HAPSTR1: variants seen among roughly 807,000 people sequenced by gnomAD.
HAPSTR1 encodes the protein HUWE1 associated protein modifying stress responses, also known as HUWE1-associated protein modifying stress responses 1.
the HAPSTR1 span, chr16:9,091,658 T>G: frequency 5.0e-6 from 2 of 397,898 alleles, no homozygotes; most frequent in East Asian, 3.6e-5. Flanking sequence ...AGTCTTGGGG[T>G]GGGCTCCGCG....
chr16:9,103,345 A>G, the HAPSTR1 span: 1 of 1,398,496 alleles, frequency 7.2e-7, no homozygotes, highest in Admixed American at 2.5e-5. Context: ...TTAGGTCCAG[A>G]TATACTGTTT....
At chr16:9,096,957 T>C in the HAPSTR1 span, among the ~76,000 whole-genome samples, 4 of 152,232 alleles carry the variant, frequency 2.6e-5, no homozygotes, top group African/African-American at 9.6e-5. Flanking sequence ...TTTTCCTTTT[T>C]TGGAGACGAA....
At chr16:9,115,384 C>G in the HAPSTR1 span, among the ~76,000 whole-genome samples, 1 of 152,184 alleles carries the variant, frequency 6.6e-6, no homozygotes, top group East Asian at 1.9e-4. Flanking sequence ...AATAACAGAT[C>G]CCTAGGTGAG....
At chr16:9,105,825 G>A in the HAPSTR1 span, 1 of 152,202 alleles carries the variant, frequency 6.6e-6, no homozygotes, top group Non-Finnish European at 1.5e-5. Context: ...GGTATTTTGA[G>A]GCAGGCTTGA....
At chr16:9,102,380 A>G in the HAPSTR1 span, among the ~76,000 whole-genome samples, 3 of 152,240 alleles carry the variant, frequency 2.0e-5, no homozygotes, top group African/African-American at 7.2e-5. Flanking sequence ...CAGAGAATTT[A>G]GTCTAGGAGA....
At chr16:9,100,095 C>G in the HAPSTR1 span, among the ~76,000 whole-genome samples, 1 of 152,230 alleles carries the variant, frequency 6.6e-6, no homozygotes, top group Non-Finnish European at 1.5e-5. Context: ...TTCTGCTTTT[C>G]TCCTCTAGGA....
At chr16:9,095,084 G>A in the HAPSTR1 span, among the ~76,000 whole-genome samples, 1 of 152,168 alleles carries the variant, frequency 6.6e-6, no homozygotes, top group African/African-American at 2.4e-5. Context: ...ATGATTCTTG[G>A]ATTATTGTAA....
At chr16:9,107,766 T>A in the HAPSTR1 span, 9 of 152,478 alleles carry the variant, frequency 5.9e-5, no homozygotes, top group Admixed American at 2.0e-4. Flanking sequence ...GGGCTCCCAA[T>A]CTCTGTAGCC....
the HAPSTR1 span, among the ~76,000 whole-genome samples, chr16:9,099,610 C>G: frequency 6.6e-6 from 1 of 152,154 alleles, no homozygotes; most frequent in African/African-American, 2.4e-5. Flanking sequence ...TTCACAGTGA[C>G]TTTGGTTTCT....
chr16:9,112,733 T>C, the HAPSTR1 span: 1 of 152,274 alleles, frequency 6.6e-6, no homozygotes, highest in African/African-American at 2.4e-5. Context: ...TGGATTCTTA[T>C]AACCTGGACT....
At chr16:9,110,587 CAATT>C in the HAPSTR1 span, 1 of 152,182 alleles carries the variant, frequency 6.6e-6, no homozygotes. Context: ...ATTTCTTAGA[CAATT>C]GATAATCATT....
the HAPSTR1 span, among the ~76,000 whole-genome samples, chr16:9,098,851 CAG>C: frequency 3.5e-4 from 53 of 152,264 alleles, no homozygotes; most frequent in Admixed American, 2.2e-3. Context: ...AGAGAGGTCA[CAG>C]AGGGAACTCT....
At chr16:9,113,027 G>GTTTTTTTTTTTTTTTTTTTTTTTTTT in the HAPSTR1 span, 1 of 128,304 alleles carries the variant, frequency 7.8e-6, no homozygotes, top group African/African-American at 2.9e-5. Flanking sequence ...TGTTTTTTTT[G>GTTTTTTTTTTTTTTTTTTTTTTTTTT]TTTTTTTTTG....
the HAPSTR1 span, among the ~76,000 whole-genome samples, chr16:9,093,939 C>G: frequency 6.6e-6 from 1 of 151,568 alleles, no homozygotes; most frequent in African/African-American, 2.4e-5. Context: ...AAAAGTTGCT[C>G]AGAACAGTAA....
At chr16:9,103,289 A>G in the HAPSTR1 span, 1 of 1,598,628 alleles carries the variant, frequency 6.3e-7, no homozygotes, top group Non-Finnish European at 8.5e-7. Context: ...TTTCTTTGGA[A>G]AAATGGTTAA....
the HAPSTR1 span, chr16:9,103,178 C>G: frequency 2.5e-6 from 4 of 1,614,158 alleles, no homozygotes; most frequent in Middle Eastern, 1.6e-4. Flanking sequence ...TGTAGTGTCC[C>G]CTAACCGAGC....
chr16:9,115,185 G>A, the HAPSTR1 span, among the ~76,000 whole-genome samples: 1 of 152,176 alleles, frequency 6.6e-6, no homozygotes, highest in African/African-American at 2.4e-5. Flanking sequence ...ATTTGATGGA[G>A]GGGAACGCCA....
the HAPSTR1 span, among the ~76,000 whole-genome samples, chr16:9,096,916 G>A: frequency 6.6e-6 from 1 of 152,030 alleles, no homozygotes; most frequent in Non-Finnish European, 1.5e-5. Flanking sequence ...TTTTATAATA[G>A]ACTGCTTTTT....
At chr16:9,121,154 A>G in the HAPSTR1 span, 1 of 152,192 alleles carries the variant, frequency 6.6e-6, no homozygotes, top group Non-Finnish European at 1.5e-5. Context: ...GGATTTCACC[A>G]TGTTGGCCAG....
Sources: gnomAD v4.1 joint callset for allele counts (sites outside exome capture counted in the v4.1 genomes callset) on GRCh38, gnomAD v4.1.1 for gene constraint, MANE v1.5 for transcripts, NCBI Gene and HGNC (gene_info 2026-07-23, HGNC 2026-07-21) for gene names.